The following CEP192 variants were observed in gnomAD, a reference collection of about 807,000 sequenced individuals.
CEP192 encodes the protein centrosomal protein of 192 kDa.
A neutral mutation model predicts 271.8 loss-of-function variants in CEP192; 151 were observed. The observed-to-expected ratio is 0.56, with a 90% CI of 0.49 to 0.64. The LOEUF (loss-of-function observed/expected upper bound fraction) is 0.64, where lower values mean the gene tolerates loss of function less well. Among genes scored for constraint, CEP192 ranks in the 30% least tolerant of loss-of-function variants. The pLI is 0.00. For missense variants in CEP192, 2,910 were observed against 3,020.5 expected, an observed-to-expected ratio of 0.96 and a Z score of 0.86; for synonymous variants, 995 against 1,076.5, an observed-to-expected ratio of 0.92 and a Z score of 1.48.
intron 1 of CEP192, among the ~76,000 whole-genome samples, chr18:12,996,877 A>G (rs1938544824): frequency 6.6e-6 from 1 of 152,078 alleles, no homozygotes; most frequent in East Asian, 1.9e-4. Flanking sequence ...GTGTGGTGGG[A>G]TGAAGGCCAG....
chr18:13,102,758 G>T (rs1274762046), intron 38 of CEP192, among the ~76,000 whole-genome samples: 3 of 152,130 alleles, frequency 2.0e-5, no homozygotes, highest in Admixed American at 2.0e-4. Context: ...AGACTGGCAG[G>T]GTCCCGGCCC....
chr18:13,088,298 A>G (rs2038987589), intron 32 of CEP192, among the ~76,000 whole-genome samples: 1 of 151,898 alleles, frequency 6.6e-6, no homozygotes, highest in Non-Finnish European at 1.5e-5. Flanking sequence ...AGAAATAGAA[A>G]ATTTAGTTGG....
At chr18:13,102,247 C>T (rs1367119825) in intron 38 of CEP192, among the ~76,000 whole-genome samples, 1 of 152,058 alleles carries the variant, frequency 6.6e-6, no homozygotes, top group East Asian at 1.9e-4. Context: ...AATAGACAGG[C>T]CCTGAGACTC....
chr18:12,993,275 C>G (rs1240136999), intron 1 of CEP192, among the ~76,000 whole-genome samples: 2 of 151,848 alleles, frequency 1.3e-5, no homozygotes, highest in African/African-American at 4.8e-5. Context: ...GGAAAGGTAA[C>G]AAGTTTGGTT....
At chr18:12,997,941 T>A (rs750278338) in intron 1 of CEP192, among the ~76,000 whole-genome samples, 1 of 152,102 alleles carries the variant, frequency 6.6e-6, no homozygotes, top group Non-Finnish European at 1.5e-5. Context: ...GCCAGGCTGG[T>A]CTTGAACTCC....
intron 21 of CEP192, among the ~76,000 whole-genome samples, chr18:13,067,023 T>C (rs2037744764): frequency 6.6e-6 from 1 of 151,714 alleles, no homozygotes. Context: ...GTCTGTCTTC[T>C]GTATCTGTGG....
chr18:13,116,172 G>A (rs1228548531), intron 42 of CEP192, among the ~76,000 whole-genome samples: 3 of 152,152 alleles, frequency 2.0e-5, no homozygotes, highest in Non-Finnish European at 4.4e-5. Flanking sequence ...GGAGAGTGAG[G>A]CCTATCCAGC....
intron 1 of CEP192, among the ~76,000 whole-genome samples, chr18:12,995,362 C>T (rs2033162838): frequency 6.6e-6 from 1 of 152,036 alleles, no homozygotes; most frequent in South Asian, 2.1e-4. Context: ...CCACGCCCGG[C>T]CTCATGGGAG....
chr18:13,014,567 T>G (rs1568280656), intron 5 of CEP192, among the ~76,000 whole-genome samples: 1 of 152,198 alleles, frequency 6.6e-6, no homozygotes, highest in Non-Finnish European at 1.5e-5. Flanking sequence ...CTTTCAAAGC[T>G]CAGAGCTTAT....
In CEP192 at chr18:13,052,967, C is replaced by G. The variant is rs2036881056; in HGVS notation, c.3066C>G (p.Pro1022=). ...CAGCAGCTCAGCAGCAGCAGCCTCC[C>G]TGTGAGCAGGAGTTGTCTCCCTTGG... The part of the protein sequence containing the change: ...FGSAAQQQQP[P]CEQELSPLVC... Residue 1022 remains proline (P), a synonymous_variant, in exon 18 of 45, where the codon CCC becomes CCG. Coordinates refer to ENST00000506447, the MANE Select transcript of CEP192 (RefSeq NM_032142.4). 6.2e-7 allele frequency: 1 copy of G among 1,613,242 alleles called. No homozygotes were observed. Among genetic ancestry groups the G allele is most frequent in the Admixed American group, 1.7e-5 (1 of 59,926 alleles).
intron 9 of CEP192, among the ~76,000 whole-genome samples, 161 bp downstream of exon 9, chr18:13,019,367 A>G (rs1160305195): frequency 6.6e-6 from 1 of 152,232 alleles, no homozygotes; most frequent in Non-Finnish European, 1.5e-5. Context: ...GTTTATAAGT[A>G]TCATACAATT....
chr18:13,068,051 A>G, intron 22 of CEP192, 43 bp from the exon 23 acceptor site: 1 of 1,610,146 alleles, frequency 6.2e-7, no homozygotes, highest in South Asian at 1.1e-5. Flanking sequence ...ACTTAGCATT[A>G]CACTGTTGGC....
At chr18:13,015,261 TAGCC>T in intron 5 of CEP192, 63 bp from the exon 6 acceptor site, 1 of 1,439,760 alleles carries the variant, frequency 6.9e-7, no homozygotes, top group Non-Finnish European at 9.3e-7. Context: ...GTCCTTTTTG[TAGCC>T]TTGTACTATG....
chr18:13,103,826 A>T (rs1409799992), intron 39 of CEP192: 3 of 584,270 alleles, frequency 5.1e-6, no homozygotes, highest in Non-Finnish European at 9.7e-6. Context: ...TGTGGCTGGG[A>T]CCACAGGTGT....
At chr18:13,069,932 G>T in intron 27 of CEP192, 76 bp downstream of exon 27, 2 of 832,932 alleles carry the variant, frequency 2.4e-6, no homozygotes, top group Non-Finnish European at 4.0e-6. Context: ...AGGCCGAGGT[G>T]GGTGGATTAC....
chr18:13,042,315 C>T lies in CEP192; in HGVS notation c.2048C>T (p.Ala683Val), dbSNP rs1364041236. Residue 683 changes from alanine (A) to valine (V), a missense_variant, in exon 15 of 45, where the codon GCT (alanine) becomes GTT (valine). Transcript: ENST00000506447. Reference sequence around the variant, plus strand: ...GATGAAAATGATGTGACGTTAACGGCTGATAAAGGCAAAACAGAGGTAGCT... The same window carrying T: ...GATGAAAATGATGTGACGTTAACGGTTGATAAAGGCAAAACAGAGGTAGCT... ...QVDENDVTLT[A>V]DKGKTEDTFF... 1 of 1,613,870 alleles carries T rather than the reference C, an allele frequency of 6.2e-7. No individual in the cohort carries two copies. Among genetic ancestry groups the T allele is most frequent in the Non-Finnish European group, 8.5e-7 (1 of 1,179,912 alleles).
chr18:13,032,714 T>C (rs146121029), intron 11 of CEP192, among the ~76,000 whole-genome samples: 2 of 152,324 alleles, frequency 1.3e-5, no homozygotes, highest in East Asian at 1.9e-4. Flanking sequence ...GCAGCACTAG[T>C]TGTATCAGCC....
Position 13,029,741 on chromosome 18 carries a change from G to A in CEP192, c.1129G>A (p.Ala377Thr), listed in dbSNP as rs770274073. The change falls in exon 10 of 45, where the codon GCA becomes ACA. Residue 377 changes from alanine to threonine, a missense_variant. Coordinates refer to ENST00000506447, the MANE Select transcript of CEP192 (RefSeq NM_032142.4). ...VKLNSDNFHD[A>T]NANRGGFDLT... ...ACTTAACTCTGATAATTTTCATGATGCAAATGCCAATAGAGGTGGTTTTGA... is the reference window on the plus strand; with the variant it reads ...ACTTAACTCTGATAATTTTCATGATACAAATGCCAATAGAGGTGGTTTTGA... 3.2e-6 allele frequency: 5 copies of A among 1,551,462 alleles called. No individual in the cohort carries two copies. The East Asian group carries it at 1.2e-4, about 38-fold the overall frequency.
intron 39 of CEP192, 60 bp from the exon 40 acceptor site, chr18:13,104,924 T>C (rs1598616290): frequency 2.5e-6 from 3 of 1,221,726 alleles, no homozygotes; most frequent in East Asian, 2.3e-5. Context: ...TAATAGTGTC[T>C]CTGTGGGATT....
Sources: gnomAD v4.1 joint callset for allele counts (sites outside exome capture counted in the v4.1 genomes callset) on GRCh38, gnomAD v4.1.1 for gene constraint, MANE v1.5 for transcripts, NCBI Gene and HGNC (gene_info 2026-07-23, HGNC 2026-07-21) for gene names.